ANO1: variants seen among roughly 807,000 people sequenced by gnomAD.
The protein encoded by ANO1 is anoctamin-1.
ANO1 carries 59 observed loss-of-function variants against 124.0 expected under a neutral mutation model. The ratio of observed to expected loss-of-function variants is 0.48; its 90% CI spans 0.39 to 0.59. The LOEUF (loss-of-function observed/expected upper bound fraction) is 0.59, where lower values mean the gene tolerates loss of function less well. Ranked by LOEUF, ANO1 falls within the 20% of genes least tolerant of loss-of-function variation. ANO1 has a pLI of 0.00. For synonymous variants in ANO1, 529 were observed against 532.0 expected, an observed-to-expected ratio of 0.99 and a Z score of 0.08; for missense variants, 1,059 against 1,328.0, an observed-to-expected ratio of 0.80 and a Z score of 3.15.
rs1430884690 is a variant in ANO1, at chr11:70,161,099, G to T, written c.1579-62G>T. 8.2e-6 allele frequency: 12 copies of T among 1,469,812 alleles called. No individual in the cohort carries two copies. In the Middle Eastern group the frequency reaches 1.1e-3, roughly 133 times the overall value. 91.0% of individuals were successfully genotyped at this position (1,469,812 alleles called of 1,614,324 possible). A position where few individuals can be genotyped will look rare whatever the true frequency, so the allele number is the denominator to read the frequency against. ...GACAGCTGGACTGAGGGAGCAGATG[G>T]GGCAGGCCCAGGAAGGTCCTGGGTG... On this transcript the variant is annotated intron_variant, in intron 16 of 25. Transcript: ENST00000355303.
intron 8 of ANO1, among the ~76,000 whole-genome samples, chr11:70,121,610 T>C (rs531856660): frequency 8.3e-6 from 1 of 120,694 alleles, no homozygotes; most frequent in Non-Finnish European, 1.8e-5. Flanking sequence ...TCTGTCTCTC[T>C]CTCCGTCTCC....
Position 70,041,322 on chromosome 11 carries a change from C to T in ANO1, c.59-37220C>T, listed in dbSNP as rs557562923. On this transcript the variant is annotated intron_variant, in intron 1 of 27. Transcript: ENST00000531349. ...GATCACAAAGCAAGGGTTTACCCCT[C>T]ATACCAATATTTACTCTTTTTATTC... Among the ~76,000 whole-genome samples, 3 of 152,312 alleles carry T rather than the reference C, an allele frequency of 2.0e-5. No homozygotes were observed. In the South Asian group the frequency reaches 6.2e-4, roughly 32 times the overall value.
At chr11:70,078,855 G>A (rs1329263934) in intron 1 of ANO1, 141 bp downstream of exon 1, 2 of 311,756 alleles carry the variant, frequency 6.4e-6, no homozygotes. Flanking sequence ...GCGCCCACCC[G>A]CGCACGTGCG....
intron 19 of ANO1, 22 bp downstream of exon 19, chr11:70,163,362 T>C: frequency 1.2e-6 from 2 of 1,613,440 alleles, no homozygotes; most frequent in Non-Finnish European, 1.7e-6. Context: ...TTTATTCATC[T>C]CTGGCAGCCC....
At chr11:70,011,026 A>G (rs1555001025) in intron 1 of ANO1, among the ~76,000 whole-genome samples, 1 of 152,212 alleles carries the variant, frequency 6.6e-6, no homozygotes, top group East Asian at 1.9e-4. Context: ...TAGAATATAC[A>G]AGGGATGTGC....
chr11:70,169,554 CCCACCCTGCTG>C (rs911124444), intron 21 of ANO1, among the ~76,000 whole-genome samples: 131 of 151,872 alleles, frequency 8.6e-4, no homozygotes, highest in Admixed American at 2.7e-3. Flanking sequence ...AGTGAGGAAG[CCCACCCTGCTG>C]AGTGACCCAC....
intron 1 of ANO1, among the ~76,000 whole-genome samples, chr11:70,058,699 C>G (rs1478423926): frequency 2.0e-5 from 3 of 152,216 alleles, no homozygotes; most frequent in Non-Finnish European, 4.4e-5. Flanking sequence ...GGCGCTAATT[C>G]TGAGAAGGGC....
rs557755404 is a variant in ANO1, at chr11:70,045,594, G to T, written c.59-32948G>T. ...ATGCTTGATCTGTTCATCGATGGAG[G>T]GTCTAGCTTGTCTGGATGTGAGGCT... On this transcript the variant is annotated intron_variant, in intron 1 of 27. Transcript: ENST00000531349. Among the ~76,000 whole-genome samples, 3 of 152,196 alleles carry T rather than the reference G, an allele frequency of 2.0e-5. No homozygotes were observed. In the South Asian group the frequency reaches 6.2e-4, roughly 32 times the overall value.
chr11:70,093,861 G>A (rs1490903339), intron 2 of ANO1, among the ~76,000 whole-genome samples: 1 of 152,260 alleles, frequency 6.6e-6, no homozygotes, highest in Non-Finnish European at 1.5e-5. Context: ...CGCAACCTCG[G>A]GGCTCCGAGT....
intron 1 of ANO1, among the ~76,000 whole-genome samples, chr11:70,052,011 T>C (rs1383594655): frequency 1.3e-5 from 2 of 152,270 alleles, no homozygotes; most frequent in Non-Finnish European, 2.9e-5. Context: ...AGAAGCTTTA[T>C]GGTTGGCCTT....
intron 8 of ANO1, among the ~76,000 whole-genome samples, chr11:70,123,303 G>A (rs1470503509): frequency 6.6e-6 from 1 of 152,226 alleles, no homozygotes; most frequent in Non-Finnish European, 1.5e-5. Flanking sequence ...CCCTCCACCT[G>A]TGAGTTTGGG....
intron 1 of ANO1, among the ~76,000 whole-genome samples, chr11:70,002,571 T>A (rs527743883): frequency 7.3e-5 from 11 of 151,582 alleles, no homozygotes; most frequent in African/African-American, 2.7e-4. Flanking sequence ...GGCCACGCCA[T>A]ACAGCCTAGC....
upstream of ANO1, among the ~76,000 whole-genome samples, chr11:69,983,273 G>A (rs190139413): frequency 9.9e-5 from 15 of 152,182 alleles, no homozygotes; most frequent in South Asian, 6.2e-4. Context: ...TTTAAACCCC[G>A]CCCAATTCAG....
chr11:69,977,752 G>A, the ANO1 span, among the ~76,000 whole-genome samples: 694 of 152,356 alleles, frequency 4.6e-3, 4 homozygotes, highest in African/African-American at 0.016. Flanking sequence ...CTGCAGCCCC[G>A]AGGCTTTGTG....
chr11:70,117,521 A>G (rs2046036212), intron 8 of ANO1, among the ~76,000 whole-genome samples: 1 of 151,966 alleles, frequency 6.6e-6, no homozygotes, highest in Non-Finnish European at 1.5e-5. Flanking sequence ...GCCCCCGAAA[A>G]GAACATGTCC....
chr11:70,016,168 C>T (rs1344894784), intron 1 of ANO1, among the ~76,000 whole-genome samples: 2 of 152,008 alleles, frequency 1.3e-5, no homozygotes, highest in South Asian at 2.1e-4. Context: ...GCTGGGACTA[C>T]AGGTGCACGC....
intron 1 of ANO1, among the ~76,000 whole-genome samples, chr11:70,072,183 C>T (rs1384593506): frequency 6.6e-6 from 1 of 152,156 alleles, no homozygotes; most frequent in East Asian, 1.9e-4. Context: ...GGGACAATTC[C>T]TCCACTGCTG....
chr11:70,008,372 G>T (rs1029200354), intron 1 of ANO1, among the ~76,000 whole-genome samples: 44 of 152,254 alleles, frequency 2.9e-4, no homozygotes, highest in African/African-American at 9.9e-4. Context: ...TTCTGTATTT[G>T]CAGGTCTTAT....
rs550461071 is a variant in ANO1, at chr11:70,040,034, G to A, written c.59-38508G>A. Among the ~76,000 whole-genome samples, 129 of 152,168 alleles carry A rather than the reference G, an allele frequency of 8.5e-4. 2 individuals carry two copies. Among genetic ancestry groups the A allele is most frequent in the African/African-American group, 2.4e-3 (101 of 41,530 alleles). The stretch of plus-strand genomic sequence containing the variant: ...TATATTCCTGGACCAAATTAATGTC[G>A]ATCCTGGGTATTCTCTTCTCAAAGG... On this transcript the variant is annotated intron_variant, in intron 1 of 27. Coordinates refer to the ANO1 transcript ENST00000531349.
Sources: gnomAD v4.1 joint callset for allele counts (sites outside exome capture counted in the v4.1 genomes callset) on GRCh38, gnomAD v4.1.1 for gene constraint, MANE v1.5 for transcripts, NCBI Gene and HGNC (gene_info 2026-07-23, HGNC 2026-07-21) for gene names.